SUPT3H: variants seen among roughly 807,000 people sequenced by gnomAD.
SUPT3H encodes SPT3 homolog, SAGA and STAGA complex component.
A neutral mutation model predicts 44.3 loss-of-function variants in SUPT3H; 44 were observed. That is an observed-to-expected ratio of 0.99 (90% CI 0.78 to 1.28). The LOEUF is 1.28. SUPT3H is among the 50% of genes most tolerant of loss of function. The probability of loss-of-function intolerance (pLI) is 0.00; values close to 1 mark genes in which losing one functional copy is unlikely to be tolerated. For missense variants in SUPT3H, 380 were observed against 387.1 expected (o/e 0.98, Z 0.15); for synonymous variants, 124 against 125.6 (o/e 0.99, Z 0.09).
intron 3 of SUPT3H, among the ~76,000 whole-genome samples, chr6:45,051,748 G>C (rs1790333377): frequency 6.6e-6 from 1 of 152,014 alleles, no homozygotes; most frequent in Non-Finnish European, 1.5e-5. Flanking sequence ...TGAGGCCAAG[G>C]GTACTAAGTA....
intron 10 of SUPT3H, among the ~76,000 whole-genome samples, chr6:44,879,146 C>G (rs1257245263): frequency 6.6e-6 from 1 of 152,224 alleles, no homozygotes; most frequent in Non-Finnish European, 1.5e-5. Context: ...ATCCCACCCC[C>G]ATGGAGCCCA....
At chr6:45,280,381 C>A (rs1483232198) in intron 2 of SUPT3H, among the ~76,000 whole-genome samples, 1 of 152,066 alleles carries the variant, frequency 6.6e-6, no homozygotes, top group Admixed American at 6.5e-5. Context: ...TAGCACATGC[C>A]TGTAATCCCA....
At chr6:45,318,877 C>G (rs947332557) in intron 2 of SUPT3H, among the ~76,000 whole-genome samples, 22 of 152,154 alleles carry the variant, frequency 1.4e-4, no homozygotes, top group African/African-American at 5.3e-4. Context: ...TTTTATTTCT[C>G]AGAGATTTTC....
chr6:45,025,741 G>T (rs1448728668), intron 3 of SUPT3H, among the ~76,000 whole-genome samples: 1 of 152,088 alleles, frequency 6.6e-6, no homozygotes, highest in Non-Finnish European at 1.5e-5. Context: ...AAATGAGCCT[G>T]GCGTGGTGGT....
At chr6:44,991,053 G>C (rs1169749085) in intron 6 of SUPT3H, among the ~76,000 whole-genome samples, 1 of 151,970 alleles carries the variant, frequency 6.6e-6, no homozygotes, top group South Asian at 2.1e-4. Context: ...CATTAGTCAT[G>C]ACTGTCTTCT....
intron 2 of SUPT3H, among the ~76,000 whole-genome samples, chr6:45,250,006 G>A (rs758087775): frequency 1.1e-4 from 17 of 152,190 alleles, no homozygotes; most frequent in Admixed American, 4.6e-4. Flanking sequence ...CAGTCTAAGA[G>A]AAACAAAATC....
chr6:45,304,390 T>G (rs1017457588), intron 2 of SUPT3H, among the ~76,000 whole-genome samples: 6 of 152,308 alleles, frequency 3.9e-5, no homozygotes, highest in African/African-American at 1.2e-4. Context: ...ATAATTATGC[T>G]CAAAGACACA....
chr6:44,898,533 C>G (rs1322044784), intron 10 of SUPT3H, among the ~76,000 whole-genome samples: 2 of 152,230 alleles, frequency 1.3e-5, no homozygotes, highest in Non-Finnish European at 2.9e-5. Flanking sequence ...AATTGCCCAG[C>G]CAAGCTACTC....
intron 2 of SUPT3H, among the ~76,000 whole-genome samples, chr6:45,153,045 A>G (rs1807206489): frequency 6.6e-6 from 1 of 152,188 alleles, no homozygotes; most frequent in Admixed American, 6.6e-5. Flanking sequence ...GCAATATAGC[A>G]GTATCTAGGG....
chr6:44,845,238 G>C (rs1365365780), intron 10 of SUPT3H, among the ~76,000 whole-genome samples: 14 of 152,126 alleles, frequency 9.2e-5, no homozygotes, highest in Admixed American at 9.2e-4. Context: ...AACTGAGTGG[G>C]AGAAAAACAG....
chr6:45,338,425 A>G (rs545271466), intron 2 of SUPT3H, among the ~76,000 whole-genome samples: 1 of 152,168 alleles, frequency 6.6e-6, no homozygotes, highest in East Asian at 1.9e-4. Context: ...ATCATTTCTG[A>G]TTACTTCAAA....
At chr6:45,284,741 T>C (rs574326510) in intron 2 of SUPT3H, among the ~76,000 whole-genome samples, 230 of 152,304 alleles carry the variant, frequency 1.5e-3, no homozygotes, top group African/African-American at 5.3e-3. Flanking sequence ...CTAACTCATT[T>C]TATGAGGCCA....
At chr6:45,160,030 T>C (rs1808677678) in intron 2 of SUPT3H, among the ~76,000 whole-genome samples, 3 of 152,104 alleles carry the variant, frequency 2.0e-5, no homozygotes, top group Admixed American at 1.3e-4. Context: ...AGAAATAAAA[T>C]AGAACTTTAA....
chr6:45,068,519 C>T (rs951748296), intron 3 of SUPT3H, among the ~76,000 whole-genome samples: 3 of 151,832 alleles, frequency 2.0e-5, no homozygotes, highest in Non-Finnish European at 2.9e-5. Context: ...GGGTAATCTC[C>T]TAAAATAAAT....
intron 10 of SUPT3H, among the ~76,000 whole-genome samples, chr6:44,921,638 A>G (rs903187728): frequency 6.6e-6 from 1 of 152,188 alleles, no homozygotes; most frequent in Non-Finnish European, 1.5e-5. Flanking sequence ...TTTGTCAACT[A>G]TAACTCATTT....
intron 3 of SUPT3H, among the ~76,000 whole-genome samples, chr6:45,076,599 T>C (rs1373842669): frequency 6.6e-6 from 1 of 152,134 alleles, no homozygotes; most frequent in Non-Finnish European, 1.5e-5. Context: ...CACTCAAAAA[T>C]GCTTTTGTAC....
intron 10 of SUPT3H, among the ~76,000 whole-genome samples, chr6:44,883,443 A>C (rs1778595683): frequency 6.6e-6 from 1 of 152,190 alleles, no homozygotes; most frequent in South Asian, 2.1e-4. Flanking sequence ...GAAAATGGCC[A>C]TACTGCCCCA....
chr6:45,265,501 G>T (rs917042717), intron 2 of SUPT3H, among the ~76,000 whole-genome samples: 55 of 151,878 alleles, frequency 3.6e-4, no homozygotes, highest in African/African-American at 1.3e-3. Context: ...TCACTTCCTG[G>T]GATATACATC....
chr6:44,921,872 C>G (rs1239441855), intron 10 of SUPT3H, among the ~76,000 whole-genome samples: 2 of 152,212 alleles, frequency 1.3e-5, no homozygotes, highest in African/African-American at 4.8e-5. Flanking sequence ...CCTGCTATTT[C>G]CACCAGAGAG....
Sources: gnomAD v4.1 joint callset for allele counts (sites outside exome capture counted in the v4.1 genomes callset) on GRCh38, gnomAD v4.1.1 for gene constraint, MANE v1.5 for transcripts, NCBI Gene and HGNC (gene_info 2026-07-23, HGNC 2026-07-21) for gene names.